MYO16: variants seen among roughly 807,000 people sequenced by gnomAD.
The protein encoded by MYO16 is myosin XVI, also known as unconventional myosin-XVI.
MYO16 carries 94 observed loss-of-function variants against 205.3 expected under a neutral mutation model. The observed-to-expected ratio is 0.46, with a 90% CI of 0.39 to 0.54. The LOEUF is 0.54. MYO16 is among the 20% of genes least tolerant of loss of function. The pLI, the probability that MYO16 is intolerant of heterozygous loss-of-function variation, is 0.00. For synonymous variants in MYO16, 988 were observed against 954.0 expected (o/e 1.04, Z -0.66); for missense variants, 2,315 against 2,387.5 (o/e 0.97, Z 0.63).
chr13:108,670,774 T>C (rs1264288800), intron 2 of MYO16, among the ~76,000 whole-genome samples: 3 of 152,212 alleles, frequency 2.0e-5, no homozygotes, highest in African/African-American at 4.8e-5. Context: ...GTTTTTAGAA[T>C]ACATCTGTCC....
intron 1 of MYO16, among the ~76,000 whole-genome samples, chr13:108,603,258 C>T (rs1439806786): frequency 1.3e-5 from 2 of 152,104 alleles, no homozygotes; most frequent in East Asian, 3.9e-4. Flanking sequence ...GACATGTTTA[C>T]ATCATCTTAC....
Position 109,125,399 on chromosome 13 carries a change from T to C in MYO16, c.3782+41T>C, listed in dbSNP as rs1362082847. On this transcript the variant is annotated intron_variant, in intron 30 of 34. Transcript: ENST00000457511. This position sits in a 1 kb window ranked among gnomAD's most constrained non-coding sequence, Gnocchi z 4.0. ...ATGCAATTTTAATTACCTTTGTGAT[T>C]GGTTCAGTGGAGTCATGAAAATTCA... 1 of 1,603,868 alleles carries C rather than the reference T, an allele frequency of 6.2e-7. No individual in the cohort carries two copies. Among genetic ancestry groups the C allele is most frequent in the Admixed American group, 1.7e-5 (1 of 59,118 alleles).
At chr13:108,668,510 T>C (rs1881840154) in intron 2 of MYO16, among the ~76,000 whole-genome samples, 1 of 152,204 alleles carries the variant, frequency 6.6e-6, no homozygotes, top group African/African-American at 2.4e-5. Flanking sequence ...AGGTGAGGTA[T>C]GGGCTTCGGT....
intron 34 of MYO16, among the ~76,000 whole-genome samples, chr13:109,205,254 T>C (rs1258322777): frequency 1.3e-5 from 2 of 152,180 alleles, no homozygotes; most frequent in Non-Finnish European, 1.5e-5. Flanking sequence ...ACTCTGAATA[T>C]GGGTTTGACC....
chr13:108,659,369 G>A (rs957617869), intron 1 of MYO16: 10 of 433,816 alleles, frequency 2.3e-5, no homozygotes, highest in Non-Finnish European at 4.2e-5. Context: ...TCTAGGTATA[G>A]ATATATAACT....
chr13:108,813,527 T>C (rs1258407571), intron 7 of MYO16, among the ~76,000 whole-genome samples: 2 of 152,160 alleles, frequency 1.3e-5, no homozygotes, highest in Non-Finnish European at 2.9e-5. Flanking sequence ...TTTAAAGAGA[T>C]ACTTTCACTC....
At chr13:108,915,498 C>T (rs769952193) in intron 16 of MYO16, among the ~76,000 whole-genome samples, 1 of 152,216 alleles carries the variant, frequency 6.6e-6, no homozygotes, top group Non-Finnish European at 1.5e-5. Flanking sequence ...ACCCCCTCAC[C>T]AGCAGCTGTT....
intron 6 of MYO16, among the ~76,000 whole-genome samples, chr13:108,805,164 A>C (rs1402279539): frequency 6.6e-6 from 1 of 152,222 alleles, no homozygotes; most frequent in African/African-American, 2.4e-5. Flanking sequence ...TCTCTAGGAG[A>C]GCAAGTATGT....
chr13:108,677,036 A>G (rs1882244975), intron 2 of MYO16, among the ~76,000 whole-genome samples: 1 of 151,090 alleles, frequency 6.6e-6, no homozygotes, highest in African/African-American at 2.5e-5. Context: ...TATGCAAAGA[A>G]GAGGATCAGG....
chr13:109,100,934 A>G (rs1594086478), intron 28 of MYO16, 47 bp downstream of exon 28: 4 of 1,530,926 alleles, frequency 2.6e-6, no homozygotes, highest in Non-Finnish European at 3.6e-6. Flanking sequence ...GATTTTAAAT[A>G]AATGAGCTGA....
the MYO16 span, among the ~76,000 whole-genome samples, chr13:108,522,359 T>C: frequency 1.3e-5 from 2 of 152,172 alleles, no homozygotes; most frequent in Admixed American, 1.3e-4. Flanking sequence ...ACATGTTCCT[T>C]TTTTTCCCAC....
intron 14 of MYO16, among the ~76,000 whole-genome samples, chr13:108,895,805 G>C (rs150565552): frequency 1.3e-5 from 2 of 152,248 alleles, no homozygotes; most frequent in African/African-American, 4.8e-5. Context: ...AACACTGCCT[G>C]GTACATAGTG....
At chr13:108,543,196 T>C in the MYO16 span, among the ~76,000 whole-genome samples, 1 of 152,174 alleles carries the variant, frequency 6.6e-6, no homozygotes, top group Non-Finnish European at 1.5e-5. Context: ...AATTCTTTGA[T>C]GGTTTGTTTG....
At chr13:108,569,556 C>T in the MYO16 span, among the ~76,000 whole-genome samples, 1 of 151,918 alleles carries the variant, frequency 6.6e-6, no homozygotes, top group South Asian at 2.1e-4. Context: ...GTATAAATTT[C>T]TAGGATTTTC....
chr13:109,095,874 A>G (rs993849028), intron 27 of MYO16, among the ~76,000 whole-genome samples: 6 of 152,212 alleles, frequency 3.9e-5, no homozygotes, highest in Admixed American at 6.5e-5. Flanking sequence ...TCTTATTCCT[A>G]CATGTCCAAT....
Position 108,785,679 on chromosome 13 carries a change from A to T in MYO16, c.552A>T (p.Pro184=). 6.2e-7 allele frequency: 1 copy of T among 1,613,498 alleles called. No homozygotes were observed. Among genetic ancestry groups the T allele is most frequent in the Non-Finnish European group, 8.5e-7 (1 of 1,179,824 alleles). ...VLLQDVNGNI[P]LDYAVEGTES... ...TCCAGGATGTGAATGGAAATATCCC[A>T]TTAGATTATGCTGTAGAAGGGACAG... Residue 184 remains proline, a synonymous_variant, in exon 5 of 35, where the codon CCA becomes CCT. Transcript: ENST00000457511.
At chr13:109,123,640 G>C (rs1350163860) in intron 29 of MYO16, among the ~76,000 whole-genome samples, 1 of 152,120 alleles carries the variant, frequency 6.6e-6, no homozygotes, top group Non-Finnish European at 1.5e-5. Flanking sequence ...CTGTTTTACA[G>C]TTAACTTAAT....
At chr13:108,549,540 T>C in the MYO16 span, among the ~76,000 whole-genome samples, 1 of 152,086 alleles carries the variant, frequency 6.6e-6, no homozygotes, top group East Asian at 1.9e-4. Context: ...GGAAAACCAA[T>C]GCAACATAAA....
At chr13:109,066,491 A>C (rs1327392826) in intron 27 of MYO16, among the ~76,000 whole-genome samples, 1 of 152,194 alleles carries the variant, frequency 6.6e-6, no homozygotes, top group Admixed American at 6.5e-5. Context: ...TGAAATGTAA[A>C]AGATGACAGA....
Sources: allele counts gnomAD v4.1 joint callset (sites outside exome capture counted in the v4.1 genomes callset), GRCh38; gene constraint gnomAD v4.1.1; non-coding constraint Gnocchi (gnomAD v3.1); transcripts MANE v1.5; gene names NCBI Gene and HGNC (gene_info 2026-07-23, HGNC 2026-07-21).